COL19A1: variants seen among roughly 807,000 people sequenced by gnomAD.
COL19A1 encodes the protein collagen alpha-1(XIX) chain.
In COL19A1, 159 loss-of-function variants were observed where a neutral mutation model predicts 190.2. The ratio of observed to expected loss-of-function variants is 0.84; its 90% CI spans 0.73 to 0.95. The LOEUF (loss-of-function observed/expected upper bound fraction) is 0.95. Ranked by LOEUF, COL19A1 falls within the 40% of genes least tolerant of loss-of-function variation. The pLI, the probability that COL19A1 is intolerant of heterozygous loss-of-function variation, is 0.00. For synonymous variants in COL19A1, 509 were observed against 458.9 expected (o/e 1.11, Z -1.39); for missense variants, 1,418 against 1,431.9 (o/e 0.99, Z 0.16).
intron 48 of COL19A1, among the ~76,000 whole-genome samples, chr6:70,193,842 T>C (rs1200562): frequency 0.16 from 23,834 of 152,200 alleles, 2,999 homozygotes; most frequent in African/African-American, 0.35. Flanking sequence ...TAGAAATCAC[T>C]TTTTCCATGG....
At position 69,957,353 on chromosome 6, in the gene COL19A1, G is replaced by C. The variant is rs116844830; in HGVS notation, c.937-2643G>C. Among the ~76,000 whole-genome samples, 44 of 152,182 alleles carry C rather than the reference G, an allele frequency of 2.9e-4. 1 individual carries two copies. The East Asian group carries it at 8.3e-3, about 29-fold the overall frequency. On this transcript the variant is annotated intron_variant, in intron 9 of 50. Coordinates refer to ENST00000620364, the MANE Select transcript of COL19A1 (RefSeq NM_001858.6). Reference sequence around the variant, plus strand: ...AAAAACTTCTCAAAGAGGTTATTTTGAATTTTGGAAAGGGTACTTTTTGAT... The same window carrying C: ...AAAAACTTCTCAAAGAGGTTATTTTCAATTTTGGAAAGGGTACTTTTTGAT...
chr6:70,169,018 G>A (rs1396077024), intron 40 of COL19A1, among the ~76,000 whole-genome samples: 2 of 151,970 alleles, frequency 1.3e-5, no homozygotes, highest in Admixed American at 1.3e-4. Context: ...AGTAGATTGT[G>A]GAAGAGAAAT....
At chr6:69,915,051 T>C (rs567720089) in intron 4 of COL19A1, among the ~76,000 whole-genome samples, 1 of 152,368 alleles carries the variant, frequency 6.6e-6, no homozygotes, top group African/African-American at 2.4e-5. Context: ...TGGTTTATCC[T>C]TTCCTTTTTG....
intron 11 of COL19A1, among the ~76,000 whole-genome samples, chr6:69,964,597 A>G (rs1774988043): frequency 6.6e-6 from 1 of 152,222 alleles, no homozygotes; most frequent in Non-Finnish European, 1.5e-5. Context: ...ATAAGGCATT[A>G]GAAAACCATT....
intron 14 of COL19A1, among the ~76,000 whole-genome samples, chr6:70,045,041 G>C (rs932863775): frequency 2.6e-5 from 4 of 151,930 alleles, no homozygotes; most frequent in Non-Finnish European, 4.4e-5. Context: ...TTCCAGGCAC[G>C]GTGGCTCACA....
At chr6:70,151,263 G>T in intron 30 of COL19A1, 134 bp from the exon 31 acceptor site, 2 of 747,130 alleles carry the variant, frequency 2.7e-6, no homozygotes, top group Non-Finnish European at 2.2e-6. Flanking sequence ...ATAATGTTAA[G>T]CCAGTGATTC....
chr6:70,145,073 A>G (rs1786534751), intron 25 of COL19A1, 66 bp downstream of exon 25: 2 of 1,154,548 alleles, frequency 1.7e-6, no homozygotes, highest in African/African-American at 1.5e-5. Flanking sequence ...GTGGGTTCCT[A>G]GTTTCAGATC....
chr6:70,207,037 C>A, intron 50 of COL19A1, 59 bp downstream of exon 50: 1 of 1,605,974 alleles, frequency 6.2e-7, no homozygotes, highest in South Asian at 1.1e-5. Flanking sequence ...AACCATGCTT[C>A]TCCCCTAGGG....
chr6:70,118,880 C>T (rs1437715367), intron 16 of COL19A1, among the ~76,000 whole-genome samples: 1 of 152,110 alleles, frequency 6.6e-6, no homozygotes, highest in East Asian at 1.9e-4. Flanking sequence ...TCCCACCCCA[C>T]CCCCAGTGGT....
At chr6:70,120,674 CA>C (rs1455736830) in intron 16 of COL19A1, among the ~76,000 whole-genome samples, 1 of 152,138 alleles carries the variant, frequency 6.6e-6, no homozygotes, top group East Asian at 1.9e-4. Context: ...TAGGCAACAC[CA>C]TTACTTGTGA....
rs537042533 is a variant in COL19A1 at position 69,938,461 on chromosome 6, A to AT, written c.936+362dup. The stretch of plus-strand genomic sequence containing the variant: ...TCTTGCTTCTCTTGTCTTTTGATAC[A>AT]TCCCCACCAGAGATTTTTCTGTAGC... On this transcript the variant is annotated intron_variant, in intron 9 of 50. Coordinates refer to ENST00000620364, the MANE Select transcript of COL19A1 (RefSeq NM_001858.6). Among the ~76,000 whole-genome samples, 4 of 151,632 alleles carry AT rather than the reference A, an allele frequency of 2.6e-5. No homozygotes were observed. The East Asian group carries it at 7.7e-4, about 29-fold the overall frequency.
At chr6:70,192,205 C>A (rs973719604) in intron 48 of COL19A1, among the ~76,000 whole-genome samples, 2 of 152,088 alleles carry the variant, frequency 1.3e-5, no homozygotes, top group Admixed American at 1.3e-4. Context: ...GGATTACAGG[C>A]ACCCACCACC....
At chr6:69,922,286 C>A (rs1477654196) in intron 4 of COL19A1, among the ~76,000 whole-genome samples, 1 of 151,336 alleles carries the variant, frequency 6.6e-6, no homozygotes, top group African/African-American at 2.4e-5. Context: ...TCATTATAAA[C>A]TTAGATTAAA....
At chr6:70,093,004 A>G (rs72914601) in intron 15 of COL19A1, among the ~76,000 whole-genome samples, 1,770 of 152,276 alleles carry the variant, frequency 0.012, 19 homozygotes, top group Non-Finnish European at 0.018. Flanking sequence ...AATAAGACTT[A>G]TCATTTTATA....
chr6:70,016,511 G>T lies in COL19A1; in HGVS notation c.1027-7116G>T, dbSNP rs998725178. Among the ~76,000 whole-genome samples the T allele has an allele frequency of 1.4e-4, 21 of 147,770 alleles. No individual in the cohort carries two copies. In the East Asian group the frequency reaches 3.6e-3, roughly 25 times the overall value. On this transcript the variant is annotated intron_variant, in intron 11 of 50. Coordinates refer to ENST00000620364, the MANE Select transcript of COL19A1 (RefSeq NM_001858.6). ...CATCAAATTTGTGTACGTTAAATAT[G>T]TGAAACTTATTGTATGCTGGTTACA...
At position 70,142,077 on chromosome 6, in the gene COL19A1, G is replaced by A. The variant is rs531285174; in HGVS notation, c.1572+1G>A. On this transcript the variant is annotated splice_donor_variant, in intron 22 of 50. Transcript: ENST00000620364. LOFTEE classifies it high-confidence loss of function. ...TTTAATAGGAAGCCCAGGACTAAAGGTATATAAGAAATAACTAAGATTTCT... is the reference window on the plus strand; with the variant it reads ...TTTAATAGGAAGCCCAGGACTAAAGATATATAAGAAATAACTAAGATTTCT... The A allele has an allele frequency of 6.8e-6, 11 of 1,610,802 alleles. No individual in the cohort carries two copies. The highest frequency in any genetic ancestry group is 2.2e-5 in the East Asian group (1 of 44,736).
intron 14 of COL19A1, among the ~76,000 whole-genome samples, chr6:70,041,901 A>T (rs1202552902): frequency 6.6e-6 from 1 of 151,890 alleles, no homozygotes; most frequent in Non-Finnish European, 1.5e-5. Flanking sequence ...CAAATAAAAA[A>T]ATAAAAGTAA....
intron 4 of COL19A1, among the ~76,000 whole-genome samples, chr6:69,903,051 A>G (rs142523386): frequency 3.2e-4 from 49 of 152,314 alleles, no homozygotes; most frequent in Middle Eastern, 3.4e-3. Context: ...AGCTAATTCT[A>G]TAACTTTCAG....
intron 45 of COL19A1, 32 bp from the exon 46 acceptor site, chr6:70,184,839 G>A (rs1766406172): frequency 1.2e-6 from 2 of 1,611,706 alleles, no homozygotes; most frequent in Non-Finnish European, 1.7e-6. Flanking sequence ...TCTTGGCAAG[G>A]AGTGATTTTC....
Sources: gnomAD v4.1 joint callset for allele counts (sites outside exome capture counted in the v4.1 genomes callset) on GRCh38, gnomAD v4.1.1 for gene constraint, MANE v1.5 for transcripts, NCBI Gene and HGNC (gene_info 2026-07-23, HGNC 2026-07-21) for gene names.